Variants in MEI1 observed in about 807,000 individuals in gnomAD.
The protein encoded by MEI1 is meiotic double-stranded break formation protein 1.
Under a neutral mutation model 146.2 loss-of-function variants are expected in MEI1, and 103 were observed. That is an observed-to-expected ratio of 0.70 (90% CI 0.60 to 0.83). The LOEUF is 0.83. Among genes scored for constraint, MEI1 ranks in the 40% least tolerant of loss-of-function variants. MEI1 has a pLI of 0.00. For synonymous variants in MEI1, 652 were observed against 628.2 expected, an observed-to-expected ratio of 1.04 and a Z score of -0.57; for missense variants, 1,529 against 1,533.0, an observed-to-expected ratio of 1.00 and a Z score of 0.04.
At chr22:41,792,411 G>A (rs974683278) in intron 26 of MEI1, among the ~76,000 whole-genome samples, 9 of 152,200 alleles carry the variant, frequency 5.9e-5, no homozygotes, top group Non-Finnish European at 1.3e-4. Context: ...AAAATGTTTA[G>A]CAAGTCACTT....
At chr22:41,712,916 C>G (rs2069733238) in intron 3 of MEI1, among the ~76,000 whole-genome samples, 1 of 150,130 alleles carries the variant, frequency 6.7e-6, no homozygotes, top group Non-Finnish European at 1.5e-5. Flanking sequence ...TCATGCCATT[C>G]TCCTGCCTCA....
chr22:41,764,439 C>G (rs1398389144), intron 19 of MEI1, among the ~76,000 whole-genome samples: 1 of 152,134 alleles, frequency 6.6e-6, no homozygotes, highest in Non-Finnish European at 1.5e-5. Flanking sequence ...TACTTGAAAA[C>G]CCATTCACTT....
intron 18 of MEI1, among the ~76,000 whole-genome samples, chr22:41,761,771 G>A (rs1324444954): frequency 2.0e-5 from 3 of 152,152 alleles, no homozygotes; most frequent in Non-Finnish European, 4.4e-5. Context: ...TCACTGCAAA[G>A]CTGTCACTTC....
chr22:41,729,771 A>C lies in MEI1; in HGVS notation c.971A>C (p.Asp324Ala). The C allele has an allele frequency of 6.2e-7, 1 of 1,604,266 alleles. No homozygotes were observed. Among genetic ancestry groups the C allele is most frequent in the Non-Finnish European group, 8.5e-7 (1 of 1,175,882 alleles). Residue 324 changes from aspartate to alanine, a missense_variant, in exon 8 of 31, where the codon GAC (aspartate) becomes GCC (alanine). Asp to Ala is a moderately radical substitution (Grantham distance 126). Around this residue, in one of 3 missense-constraint regions of MEI1, gnomAD observed 1,212 missense variants for 1,178.9 expected, o/e 1.03. Coordinates refer to ENST00000401548, the MANE Select transcript of MEI1 (RefSeq NM_152513.4). ...AKHASAFIHA[D>A]IPEFLFEHLS... Reference sequence around the variant, plus strand: ...CATGCGTCAGCCTTCATCCACGCTGACATCCCAGGTAGGGGAACACTTCTA... The same window carrying C: ...CATGCGTCAGCCTTCATCCACGCTGCCATCCCAGGTAGGGGAACACTTCTA...
At chr22:41,702,239 C>G (rs2068764353) in intron 1 of MEI1, among the ~76,000 whole-genome samples, 1 of 151,806 alleles carries the variant, frequency 6.6e-6, no homozygotes, top group South Asian at 2.1e-4. Context: ...CTCCCAGGTT[C>G]AAGCGATTCT....
intron 27 of MEI1, 76 bp downstream of exon 27, chr22:41,793,986 C>A: frequency 7.5e-7 from 1 of 1,337,270 alleles, no homozygotes; most frequent in East Asian, 2.5e-5. Flanking sequence ...CCTCCTGCTC[C>A]AGCCTTCCAT....
chr22:41,767,535 G>C, intron 19 of MEI1: 1 of 455,764 alleles, frequency 2.2e-6, no homozygotes, highest in Non-Finnish European at 4.4e-6. Context: ...ATATTTCAGA[G>C]TGTCAGGCCT....
At chr22:41,729,595 G>A in intron 7 of MEI1, 70 bp from the exon 8 acceptor site, 1 of 923,536 alleles carries the variant, frequency 1.1e-6, no homozygotes, top group Non-Finnish European at 1.7e-6. Flanking sequence ...TTGCCCTGAG[G>A]CACCTAGGCC....
chr22:41,734,645 A>G (rs2072165747), intron 11 of MEI1, among the ~76,000 whole-genome samples: 1 of 152,116 alleles, frequency 6.6e-6, no homozygotes, highest in South Asian at 2.1e-4. Context: ...GCTGTATTTA[A>G]AATTTTTTTT....
intron 19 of MEI1, among the ~76,000 whole-genome samples, chr22:41,764,136 A>G (rs1369263008): frequency 6.6e-6 from 1 of 151,780 alleles, no homozygotes; most frequent in East Asian, 1.9e-4. Flanking sequence ...AATTTTTTGT[A>G]TTTTTAGTAG....
At chr22:41,790,293 A>T (rs2076131738) in intron 26 of MEI1, among the ~76,000 whole-genome samples, 1 of 152,054 alleles carries the variant, frequency 6.6e-6, no homozygotes, top group Non-Finnish European at 1.5e-5. Flanking sequence ...CATGTTGGCC[A>T]GGTTGGTCTC....
intron 18 of MEI1, among the ~76,000 whole-genome samples, chr22:41,759,629 CAAAA>C (rs374199194): frequency 0.16 from 14,293 of 91,232 alleles, 2,351 homozygotes; most frequent in African/African-American, 0.52. Context: ...GACTCCGTCT[CAAAA>C]AATAAATAAA....
In MEI1 at chr22:41,795,703, G is replaced by A; in HGVS notation, c.3667-32G>A. On this transcript the variant is annotated intron_variant, in intron 29 of 30. Coordinates refer to ENST00000401548, the MANE Select transcript of MEI1 (RefSeq NM_152513.4). This position sits in a 1 kb window ranked among gnomAD's most constrained non-coding sequence, Gnocchi z 4.2. ...GCCTGTGTGGAATGGGCACTGAGGA[G>A]GCCTGTCTTCCCTGCCCTCTTCTCC... The A allele has an allele frequency of 6.2e-7, 1 of 1,604,730 alleles. No homozygotes were observed.
At chr22:41,764,104 G>C (rs1247546772) in intron 19 of MEI1, among the ~76,000 whole-genome samples, 1 of 151,998 alleles carries the variant, frequency 6.6e-6, no homozygotes, top group Non-Finnish European at 1.5e-5. Flanking sequence ...GGGACTACTG[G>C]CGCCCGCCAC....
At position 41,743,142 on chromosome 22, in the gene MEI1, T is replaced by A; in HGVS notation, c.1394T>A (p.Met465Lys). The A allele has an allele frequency of 1.9e-6, 3 of 1,613,336 alleles. No homozygotes were observed. Among genetic ancestry groups the A allele is most frequent in the Non-Finnish European group, 2.5e-6 (3 of 1,179,796 alleles). Residue 465 changes from methionine (M) to lysine (K), a missense_variant, in exon 12 of 31, where the codon ATG becomes AAG. Physicochemically the swap from Met to Lys is moderately conservative, Grantham distance 95. Around this residue, in one of 3 missense-constraint regions of MEI1, gnomAD observed 1,212 missense variants for 1,178.9 expected, o/e 1.03. Coordinates refer to ENST00000401548, the MANE Select transcript of MEI1 (RefSeq NM_152513.4). ...GAACTGCAGGCTTTGCTAGAAGCCA[T>A]GCTAAACCGATGTGCGGAGTTTTCC... The part of the protein sequence containing the change: ...YGELQALLEA[M>K]LNRCAEFSQT...
chr22:41,747,736 C>A (rs1883370), intron 14 of MEI1, among the ~76,000 whole-genome samples: 107,477 of 133,178 alleles, frequency 0.81, 43,839 homozygotes, highest in East Asian at 0.94. Context: ...CCCACCCCCC[C>A]AAAAAAAACA....
intron 19 of MEI1, 61 bp downstream of exon 19, chr22:41,763,382 G>T: frequency 1.9e-6 from 3 of 1,566,832 alleles, no homozygotes; most frequent in Non-Finnish European, 2.6e-6. Context: ...AGTGTTCCCT[G>T]GGAGACCATG....
intron 26 of MEI1, among the ~76,000 whole-genome samples, chr22:41,791,323 T>TAA (rs113780416): frequency 2.0e-5 from 3 of 151,858 alleles, no homozygotes; most frequent in African/African-American, 7.3e-5. Flanking sequence ...CCTATCTCTA[T>TAA]AAAAAATACA....
chr22:41,784,247 G>C lies in MEI1; in HGVS notation c.3088-92G>C, dbSNP rs912030160. 4.5e-6 allele frequency: 5 copies of C among 1,100,028 alleles called. No homozygotes were observed. In the African/African-American group the frequency reaches 4.6e-5, roughly 10 times the overall value. The allele number at this position is 1,100,028 out of a possible 1,614,324, so 68.1% of individuals were successfully genotyped here. A position where few individuals can be genotyped will look rare whatever the true frequency, so the allele number is the denominator to read the frequency against. ...CCCCTTTTGATGCAGTGGATATGTG[G>C]GGGGAGGTGATAGAAGAGATTTTCA... On this transcript the variant is annotated intron_variant, in intron 24 of 30. Transcript: ENST00000401548.
Sources: allele counts gnomAD v4.1 joint callset (sites outside exome capture counted in the v4.1 genomes callset), GRCh38; gene constraint gnomAD v4.1.1; regional missense constraint gnomAD v4.1.1; non-coding constraint Gnocchi (gnomAD v3.1); transcripts MANE v1.5; gene names NCBI Gene and HGNC (gene_info 2026-07-23, HGNC 2026-07-21).